Variants in NIBAN1 observed in about 807,000 individuals in gnomAD.
The protein encoded by NIBAN1 is niban apoptosis regulator 1.
A neutral mutation model predicts 75.1 loss-of-function variants in NIBAN1; 81 were observed. The ratio of observed to expected loss-of-function variants is 1.08; its 90% CI spans 0.90 to 1.30. The LOEUF (loss-of-function observed/expected upper bound fraction) is 1.30. Ranked by LOEUF, NIBAN1 falls within the 50% of genes most tolerant of loss-of-function variation. The pLI is 0.00. For synonymous variants in NIBAN1, 436 were observed against 424.8 expected (o/e 1.03, Z -0.32); for missense variants, 1,133 against 1,128.1 (o/e 1.00, Z -0.06).
chr1:184,908,229 G>A (rs994903412), intron 1 of NIBAN1, among the ~76,000 whole-genome samples: 1 of 152,152 alleles, frequency 6.6e-6, no homozygotes, highest in Non-Finnish European at 1.5e-5. Flanking sequence ...ACAAAGCTTA[G>A]CCCATCAAAG....
At chr1:184,876,341 C>G (rs113659818) in intron 5 of NIBAN1, among the ~76,000 whole-genome samples, 68 of 152,064 alleles carry the variant, frequency 4.5e-4, no homozygotes, top group African/African-American at 1.6e-3. Context: ...CACCAAACTT[C>G]AAACATAAAC....
At chr1:184,973,932 T>TC (rs1659002451) in intron 1 of NIBAN1, among the ~76,000 whole-genome samples, 1 of 152,204 alleles carries the variant, frequency 6.6e-6, no homozygotes, top group South Asian at 2.1e-4. Context: ...ACGCGGGATA[T>TC]CCCCGCTGCT....
chr1:184,818,605 A>G, intron 9 of NIBAN1, 33 bp downstream of exon 9: 1 of 1,531,656 alleles, frequency 6.5e-7, no homozygotes, highest in Non-Finnish European at 8.9e-7. Context: ...CAGGCAGACC[A>G]TTCACACCCA....
At chr1:184,938,579 A>T (rs1658017512) in intron 1 of NIBAN1, among the ~76,000 whole-genome samples, 1 of 152,248 alleles carries the variant, frequency 6.6e-6, no homozygotes, top group Admixed American at 6.5e-5. Context: ...CATAAATACA[A>T]AAGTAGGTTT....
intron 9 of NIBAN1, among the ~76,000 whole-genome samples, chr1:184,816,789 T>C (rs1048956500): frequency 2.6e-5 from 4 of 151,802 alleles, no homozygotes; most frequent in African/African-American, 9.7e-5. Flanking sequence ...ACATTTACAA[T>C]AGTGCTAGTA....
At chr1:184,836,402 A>C (rs190078424) in intron 5 of NIBAN1, among the ~76,000 whole-genome samples, 97 of 152,338 alleles carry the variant, frequency 6.4e-4, no homozygotes, top group Admixed American at 1.1e-3. Context: ...ACATCCTTAT[A>C]AGAAGCATAA....
intron 5 of NIBAN1, chr1:184,867,826 G>A: frequency 1.0e-6 from 1 of 981,458 alleles, no homozygotes; most frequent in Non-Finnish European, 1.2e-6. Flanking sequence ...TTTGCCCCCA[G>A]CATCTAAGAC....
intron 1 of NIBAN1, among the ~76,000 whole-genome samples, chr1:184,951,937 G>T (rs780730538): frequency 2.6e-5 from 4 of 152,098 alleles, no homozygotes; most frequent in Non-Finnish European, 5.9e-5. Flanking sequence ...CCTTGGTAAT[G>T]ATACCATCTT....
Position 184,798,776 on chromosome 1 carries a change from C to T in NIBAN1, c.1555-586G>A, listed in dbSNP as rs149382101. The stretch of plus-strand genomic sequence containing the variant: ...TTCCCCCACCCCACTTTCCAGTCTG[C>T]ACCTCCCAAGATATGAGCACTGATT... On this transcript the variant is annotated intron_variant, in intron 12 of 13. Transcript: ENST00000367511. Among the ~76,000 whole-genome samples, 863 of 151,976 alleles carry T rather than the reference C, an allele frequency of 5.7e-3. 6 individuals are homozygous for T. Among genetic ancestry groups the T allele is most frequent in the Non-Finnish European group, 7.5e-3 (510 of 67,970 alleles).
Position 184,814,600 on chromosome 1 carries a change from T to G in NIBAN1, c.1173+4038A>C, listed in dbSNP as rs140145631. On this transcript the variant is annotated intron_variant, in intron 9 of 13. Transcript: ENST00000367511. The stretch of plus-strand genomic sequence containing the variant: ...GTCATGTTTCATCCTTTTAAAAATT[T>G]TTGTATCATCATTTTGGCTAAATGA... 2.0e-3 allele frequency among the ~76,000 whole-genome samples: 300 copies of G among 152,348 alleles called. 3 individuals are homozygous for G. Among genetic ancestry groups the G allele is most frequent in the African/African-American group, 7.0e-3 (292 of 41,572 alleles).
intron 5 of NIBAN1, among the ~76,000 whole-genome samples, chr1:184,844,688 C>T (rs1389303257): frequency 1.3e-5 from 2 of 152,230 alleles, no homozygotes; most frequent in East Asian, 3.8e-4. Context: ...GCTAACCTTA[C>T]TTAAAACTTT....
intron 5 of NIBAN1, among the ~76,000 whole-genome samples, chr1:184,867,650 A>T (rs1445852785): frequency 6.6e-6 from 1 of 152,188 alleles, no homozygotes; most frequent in Non-Finnish European, 1.5e-5. Flanking sequence ...TTAAAGTGAG[A>T]TGGAATGAGG....
chr1:184,902,929 C>A (rs1479363323), intron 1 of NIBAN1, among the ~76,000 whole-genome samples: 1 of 152,176 alleles, frequency 6.6e-6, no homozygotes, highest in Non-Finnish European at 1.5e-5. Flanking sequence ...CAGTGCCTGA[C>A]ACATATTAGT....
Position 184,794,621 on chromosome 1 carries a change from A to G in NIBAN1, c.*356T>C. 2.7e-6 allele frequency: 1 copy of G among 365,968 alleles called. No individual in the cohort carries two copies. The highest frequency in any genetic ancestry group is 5.2e-6 in the Non-Finnish European group (1 of 193,912). 22.7% of individuals were successfully genotyped at this position (365,968 alleles called of 1,614,324 possible). A position where few individuals can be genotyped will look rare whatever the true frequency, so the allele number is the denominator to read the frequency against. On this transcript the variant is annotated 3_prime_UTR_variant, in exon 14 of 14. Coordinates refer to ENST00000367511, the MANE Select transcript of NIBAN1 (RefSeq NM_052966.4). The stretch of plus-strand genomic sequence containing the variant: ...TTAAAAAGCCTTAAAGTGCACAAGA[A>G]GATTGCACAATTGAAAAGTGCAGAG...
chr1:184,801,173 G>C (rs1478162743), intron 12 of NIBAN1, among the ~76,000 whole-genome samples: 3 of 152,138 alleles, frequency 2.0e-5, no homozygotes, highest in Non-Finnish European at 2.9e-5. Context: ...TGCCTGGAAG[G>C]ACAGTATTTA....
intron 2 of NIBAN1, 150 bp downstream of exon 2, chr1:184,899,029 C>T (rs1271521909): frequency 1.7e-5 from 14 of 805,730 alleles, no homozygotes; most frequent in Admixed American, 7.3e-5. Flanking sequence ...ATTCTAACTT[C>T]CAGGCAAATA....
chr1:184,942,693 C>CAAAAAAA (rs1235041623), intron 1 of NIBAN1, among the ~76,000 whole-genome samples: 1 of 78,378 alleles, frequency 1.3e-5, no homozygotes, highest in Non-Finnish European at 2.6e-5. Flanking sequence ...GACTCCGTCT[C>CAAAAAAA]AAAAAAAAAA....
intron 1 of NIBAN1, among the ~76,000 whole-genome samples, chr1:184,922,010 C>A (rs368739320): frequency 7.9e-5 from 12 of 152,170 alleles, no homozygotes; most frequent in African/African-American, 2.6e-4. Flanking sequence ...GTGAATTACA[C>A]GCACATAATT....
At position 184,827,560 on chromosome 1, in the gene NIBAN1, G is replaced by GTTTTTTTTTTTTT. The variant is rs58483276; in HGVS notation, c.718-3831_718-3819dup. ...ACATAAGTGACCTAAAAATACTTCA[G>GTTTTTTTTTTTTT]TTTTTTTTTTTTTTAATGGGGGGTG... On this transcript the variant is annotated intron_variant, in intron 6 of 13. Transcript: ENST00000367511. 6.3e-4 allele frequency among the ~76,000 whole-genome samples: 74 copies of GTTTTTTTTTTTTT among 117,666 alleles called. 4 individuals carry two copies. The highest frequency in any genetic ancestry group is 2.2e-3 in the African/African-American group (57 of 26,084). The allele number at this position is 117,666 out of a possible 152,430, so 77.2% of individuals were successfully genotyped here.
Sources: gnomAD v4.1 joint callset for allele counts (sites outside exome capture counted in the v4.1 genomes callset) on GRCh38, gnomAD v4.1.1 for gene constraint, MANE v1.5 for transcripts, NCBI Gene and HGNC (gene_info 2026-07-23, HGNC 2026-07-21) for gene names.